The following PELP1 variants were observed in gnomAD, a reference collection of about 807,000 sequenced individuals.
The protein encoded by PELP1 is proline, glutamate and leucine rich protein 1.
A neutral mutation model predicts 95.5 loss-of-function variants in PELP1; 32 were observed. The ratio of observed to expected loss-of-function variants is 0.34; its 90% CI spans 0.25 to 0.45. The LOEUF (loss-of-function observed/expected upper bound fraction) is 0.45, where lower values mean the gene tolerates loss of function less well. PELP1 is among the 20% of genes least tolerant of loss of function. The probability of loss-of-function intolerance (pLI) is 1.00; values close to 1 mark genes in which losing one functional copy is unlikely to be tolerated. For synonymous variants in PELP1, 668 were observed against 600.1 expected (o/e 1.11, Z -1.65); for missense variants, 1,358 against 1,444.8 (o/e 0.94, Z 0.97).
intron 4 of PELP1, 111 bp from the exon 5 acceptor site, chr17:4,682,684 C>G (rs1912734279): frequency 5.6e-6 from 8 of 1,441,028 alleles, no homozygotes; most frequent in Middle Eastern, 3.6e-4. Flanking sequence ...TTTTCTTGGC[C>G]CCTCCCTCTT....
At chr17:4,696,985 G>C (rs56239958) in intron 1 of PELP1, among the ~76,000 whole-genome samples, 24,520 of 152,062 alleles carry the variant, frequency 0.16, 2,581 homozygotes, top group Non-Finnish European at 0.25. Context: ...TGAAAACGGA[G>C]ATGCCAAATA....
rs1254010165 is a variant in PELP1, at chr17:4,670,953, C to T, written c.*486G>A. The T allele has an allele frequency of 6.3e-6, 1 of 158,322 alleles. No homozygotes were observed. Among genetic ancestry groups the T allele is most frequent in the African/African-American group, 2.4e-5 (1 of 41,552 alleles). The allele number at this position is 158,322 out of a possible 1,614,324, so 9.8% of individuals were successfully genotyped here. On this transcript the variant is annotated 3_prime_UTR_variant, in exon 17 of 17. Transcript: ENST00000572293. ...ATTCAATGACTAAACTGCTCCACAC[C>T]TTTTCCTAATTTCCTAAACTTCCAT...
At chr17:4,691,023 T>A (rs369390570) in intron 2 of PELP1, 30 bp from the exon 3 acceptor site, 3 of 1,499,326 alleles carry the variant, frequency 2.0e-6, no homozygotes, top group African/African-American at 2.7e-5. Context: ...TCATGTTAAG[T>A]GGGCGGAGGC....
At position 4,675,457 on chromosome 17, in the gene PELP1, T is replaced by C. The variant is rs867531491; in HGVS notation, c.1069-95A>G. 3.5e-5 allele frequency: 29 copies of C among 837,832 alleles called. No individual in the cohort carries two copies. The African/African-American group carries it at 4.9e-4, about 14-fold the overall frequency. 51.9% of individuals were successfully genotyped at this position (837,832 alleles called of 1,614,324 possible). A position where few individuals can be genotyped will look rare whatever the true frequency, so the allele number is the denominator to read the frequency against. On this transcript the variant is annotated intron_variant, in intron 9 of 16. Coordinates refer to ENST00000572293, the MANE Select transcript of PELP1 (RefSeq NM_014389.3). The surrounding 1 kb of genome is among the most constrained non-coding windows in gnomAD (Gnocchi z 4.3). ...GAATGACCATTTACATATGTACACATAGGTAAGAAACCCAACCCCTGATCT... is the reference window on the plus strand; with the variant it reads ...GAATGACCATTTACATATGTACACACAGGTAAGAAACCCAACCCCTGATCT...
chr17:4,695,657 C>A (rs1467175138), intron 1 of PELP1, among the ~76,000 whole-genome samples: 1 of 111,056 alleles, frequency 9.0e-6, no homozygotes, highest in African/African-American at 3.4e-5. Context: ...AAGAGTGAGA[C>A]CCTCTCTCTT....
intron 3 of PELP1, among the ~76,000 whole-genome samples, chr17:4,685,605 T>C (rs1037934217): frequency 6.4e-5 from 9 of 140,168 alleles, no homozygotes; most frequent in African/African-American, 2.4e-4. Flanking sequence ...GCCTGGACAA[T>C]ATAGCAAGAA....
chr17:4,700,633 T>C (rs1913485689), intron 1 of PELP1, among the ~76,000 whole-genome samples: 1 of 152,010 alleles, frequency 6.6e-6, no homozygotes, highest in Non-Finnish European at 1.5e-5. Context: ...TGCTTTAAAA[T>C]GGTCCACCAA....
chr17:4,673,900 A>AT lies in PELP1; in HGVS notation c.1583-227dup. On this transcript the variant is annotated intron_variant, in intron 13 of 16. Coordinates refer to ENST00000572293, the MANE Select transcript of PELP1 (RefSeq NM_014389.3). This position sits in a 1 kb window ranked among gnomAD's most constrained non-coding sequence, Gnocchi z 5.7. ...TAAGTAAAAAATTATAAATTTTATA[A>AT]TTTTGCATTTATATATTTGGGAACA... The AT allele has an allele frequency of 1.8e-6, 1 of 545,612 alleles. No homozygotes were observed. The highest frequency in any genetic ancestry group is 2.5e-5 in the South Asian group (1 of 40,532). 33.8% of individuals were successfully genotyped at this position (545,612 alleles called of 1,614,324 possible).
rs1266390327 is a variant in PELP1, at chr17:4,673,199, GGAAAC to G, written c.1845+46_1845+50del. On this transcript the variant is annotated intron_variant, in intron 15 of 16. Transcript: ENST00000572293. The surrounding 1 kb of genome is among the most constrained non-coding windows in gnomAD (Gnocchi z 5.7). ...GCACCAGAAATACTGGGAGTCTCTT[GGAAAC>G]AAGAGACTCCAGGAACCAAAGAGGG... 3.9e-6 allele frequency: 6 copies of G among 1,529,488 alleles called. 1 individual carries two copies. The highest frequency in any genetic ancestry group is 5.3e-6 in the Non-Finnish European group (6 of 1,134,484). The allele number at this position is 1,529,488 out of a possible 1,614,324, so 94.7% of individuals were successfully genotyped here.
In PELP1 at chr17:4,682,884, G is replaced by A; in HGVS notation, c.489C>T (p.Ala163=). 1 of 1,596,466 alleles carries A rather than the reference G, an allele frequency of 6.3e-7. No individual in the cohort carries two copies. The highest frequency in any genetic ancestry group is 8.5e-7 in the Non-Finnish European group (1 of 1,172,840). Reference sequence around the variant, plus strand: ...TGTCCCGGAACAGTGCAGGCAGCTGGGCTGCATATCGGAGGAGGTCCCTCA... The same window carrying A: ...TGTCCCGGAACAGTGCAGGCAGCTGAGCTGCATATCGGAGGAGGTCCCTCA... ...AVLRDLLRYA[A]QLPALFRDIS... The change falls in exon 4 of 17, where the codon GCC becomes GCT. Residue 163 remains alanine (A), a synonymous_variant. Coordinates refer to ENST00000572293, the MANE Select transcript of PELP1 (RefSeq NM_014389.3).
chr17:4,673,045 G>A lies in PELP1; in HGVS notation c.1946C>T (p.Ala649Val). ...QPMGPTCPTP[A>V]PVPPPEAPSP... ...TGGGGCCTCAGGAGGGGGAACTGGA[G>A]CAGGTGTGGGGCAGGTGGGGCCCAT... Residue 649 changes from alanine (A) to valine (V), a missense_variant, in exon 16 of 17, where the codon GCT becomes GTT. Physicochemically the swap from Ala to Val is moderately conservative, Grantham distance 64. Around this residue, in one of 7 missense-constraint regions of PELP1, gnomAD observed 340 missense variants for 322.9 expected, o/e 1.05. Coordinates refer to ENST00000572293, the MANE Select transcript of PELP1 (RefSeq NM_014389.3). This position sits in a 1 kb window ranked among gnomAD's most constrained non-coding sequence, Gnocchi z 5.7. 1 of 1,531,936 alleles carries A rather than the reference G, an allele frequency of 6.5e-7. No homozygotes were observed. Among genetic ancestry groups the A allele is most frequent in the South Asian group, 1.3e-5 (1 of 76,458 alleles). 94.9% of individuals were successfully genotyped at this position (1,531,936 alleles called of 1,614,324 possible).
intron 13 of PELP1, among the ~76,000 whole-genome samples, chr17:4,674,119 C>G (rs560137498): frequency 6.6e-6 from 1 of 152,298 alleles, no homozygotes; most frequent in South Asian, 2.1e-4. Context: ...GAGCCTTCCC[C>G]GCATGCTGGA....
intron 3 of PELP1, among the ~76,000 whole-genome samples, chr17:4,687,868 G>A (rs191825509): frequency 1.8e-4 from 27 of 152,282 alleles, no homozygotes; most frequent in East Asian, 1.7e-3. Context: ...AAATTAAAAC[G>A]TTAAAAGAGC....
Position 4,673,220 on chromosome 17 carries a change from C to T in PELP1, c.1845+30G>A. 1.3e-6 allele frequency: 2 copies of T among 1,547,000 alleles called. No individual in the cohort carries two copies. Among genetic ancestry groups the T allele is most frequent in the Non-Finnish European group, 1.8e-6 (2 of 1,141,860 alleles). On this transcript the variant is annotated intron_variant, in intron 15 of 16. Transcript: ENST00000572293. This position sits in a 1 kb window ranked among gnomAD's most constrained non-coding sequence, Gnocchi z 5.7. The stretch of plus-strand genomic sequence containing the variant: ...TCTTGGAAACAAGAGACTCCAGGAA[C>T]CAAAGAGGGGCTTGGCCCATCACAG...
chr17:4,703,859 T>C lies in PELP1; in HGVS notation c.249+4A>G. 1.2e-6 allele frequency: 2 copies of C among 1,607,184 alleles called. No individual in the cohort carries two copies. Among genetic ancestry groups the C allele is most frequent in the Non-Finnish European group, 1.7e-6 (2 of 1,176,442 alleles). On this transcript the variant is annotated splice_donor_region_variant and intron_variant, in intron 1 of 16. Transcript: ENST00000572293. ...GGCCGCGGGCACGCGGGCCACGGAC[T>C]CACCTGGGCCCCGCCCACCGACCCA... is the stretch of plus-strand genomic sequence containing the variant.
In PELP1 at chr17:4,682,913, C is replaced by G; in HGVS notation, c.460G>C (p.Val154Leu). The part of the protein sequence containing the change: ...PPATMELAVA[V>L]LRDLLRYAAQ... ...GCATATCGGAGGAGGTCCCTCAGGA[C>G]AGCCACGGCCAGCTCCATTGTGGCA... The change falls in exon 4 of 17, where the codon GTC (valine) becomes CTC (leucine). Residue 154 changes from valine (V) to leucine (L), a missense_variant. Physicochemically the swap from Val to Leu is conservative, Grantham distance 32. Coordinates refer to ENST00000572293, the MANE Select transcript of PELP1 (RefSeq NM_014389.3). 2 of 1,560,500 alleles carry G rather than the reference C, an allele frequency of 1.3e-6. No homozygotes were observed. Among genetic ancestry groups the G allele is most frequent in the Non-Finnish European group, 1.7e-6 (2 of 1,157,186 alleles).
chr17:4,672,003 C>T lies in PELP1; in HGVS notation c.2988G>A (p.Gln996=). 1 of 1,563,578 alleles carries T rather than the reference C, an allele frequency of 6.4e-7. No homozygotes were observed. The highest frequency in any genetic ancestry group is 8.6e-7 in the Non-Finnish European group (1 of 1,158,124). The part of the protein sequence containing the change: ...LPPPESPPKV[Q]PEPEPEPGLL... ...GCCCGGGTTCAGGTTCGGGTTCTGG[C>T]TGCACCTTTGGGGGAGACTCAGGGG... The change falls in exon 16 of 17, where the codon CAG becomes CAA. Residue 996 remains glutamine (Q), a synonymous_variant. Transcript: ENST00000572293.
rs1180512279 is a variant in PELP1 at position 4,673,911 on chromosome 17, A to G, written c.1583-237T>C. 3.8e-6 allele frequency: 2 copies of G among 527,906 alleles called. No homozygotes were observed. The highest frequency in any genetic ancestry group is 6.8e-6 in the Non-Finnish European group (2 of 295,196). The allele number at this position is 527,906 out of a possible 1,614,324, so 32.7% of individuals were successfully genotyped here. A position where few individuals can be genotyped will look rare whatever the true frequency, so the allele number is the denominator to read the frequency against. ...TTATAAATTTTATAATTTTGCATTT[A>G]TATATTTGGGAACAATCGGTTCTCC... On this transcript the variant is annotated intron_variant, in intron 13 of 16. Coordinates refer to ENST00000572293, the MANE Select transcript of PELP1 (RefSeq NM_014389.3). The surrounding 1 kb of genome is among the most constrained non-coding windows in gnomAD (Gnocchi z 5.7).
At position 4,671,404 on chromosome 17, in the gene PELP1, T is replaced by G. The variant is rs1912192021; in HGVS notation, c.*35A>C. 1 of 1,165,112 alleles carries G rather than the reference T, an allele frequency of 8.6e-7. No individual in the cohort carries two copies. 72.2% of individuals were successfully genotyped at this position (1,165,112 alleles called of 1,614,324 possible). On this transcript the variant is annotated 3_prime_UTR_variant, in exon 17 of 17. Transcript: ENST00000572293. ...AGCAGTCGCTATCTAAGGACATAAC[T>G]TTATTGGAAACAAAGAGTGGGGTGC...
Sources: allele counts gnomAD v4.1 joint callset (sites outside exome capture counted in the v4.1 genomes callset), GRCh38; gene constraint gnomAD v4.1.1; regional missense constraint gnomAD v4.1.1; non-coding constraint Gnocchi (gnomAD v3.1); transcripts MANE v1.5; gene names NCBI Gene and HGNC (gene_info 2026-07-23, HGNC 2026-07-21).